ADAMTS18: variants seen among roughly 807,000 people sequenced by gnomAD.
ADAMTS18 encodes the protein A disintegrin and metalloproteinase with thrombospondin motifs 18.
A neutral mutation model predicts 165.9 loss-of-function variants in ADAMTS18; 157 were observed. The ratio of observed to expected loss-of-function variants is 0.95; its 90% CI spans 0.83 to 1.08. The LOEUF (loss-of-function observed/expected upper bound fraction) is 1.08. ADAMTS18 is among the 50% of genes least tolerant of loss of function. ADAMTS18 has a pLI of 0.00. For missense variants in ADAMTS18, 2,040 were observed against 1,534.0 expected, an observed-to-expected ratio of 1.33 and a Z score of -5.51; for synonymous variants, 782 against 578.2, an observed-to-expected ratio of 1.35 and a Z score of -5.06.
chr16:77,398,117 G>C (rs1254664577), intron 3 of ADAMTS18, among the ~76,000 whole-genome samples: 1 of 152,132 alleles, frequency 6.6e-6, no homozygotes, highest in Non-Finnish European at 1.5e-5. Flanking sequence ...AGGAGTTCAA[G>C]ACCAGCCTGG....
chr16:77,383,031 G>C (rs2057054454), intron 3 of ADAMTS18, among the ~76,000 whole-genome samples: 1 of 152,120 alleles, frequency 6.6e-6, no homozygotes, highest in Non-Finnish European at 1.5e-5. Context: ...ACATCCTATG[G>C]AATGTGGCAT....
Position 77,291,456 on chromosome 16 carries a change from C to A in ADAMTS18, c.3212G>T (p.Gly1071Val), listed in dbSNP as rs368466663. ...WSECSATCGL[G>V]VRKREMKCSE... is the part of the protein sequence containing the mutation. ...GCACTTCATCTCCCTCTTCCTCACA[C>A]CCAAACCACAGGTTGCAGAACACTA... Residue 1071 changes from glycine to valine, a missense_variant, in exon 21 of 23, where the codon GGT becomes GTT. Transcript: ENST00000282849. 3.1e-6 allele frequency: 5 copies of A among 1,614,190 alleles called. 1 individual carries two copies. In the South Asian group the frequency reaches 5.5e-5, roughly 18 times the overall value.
At chr16:77,365,168 G>C (rs2056775451) in intron 4 of ADAMTS18, among the ~76,000 whole-genome samples, 1 of 83,644 alleles carries the variant, frequency 1.2e-5, no homozygotes, top group African/African-American at 5.8e-5. Flanking sequence ...GACAGAGTGA[G>C]ATTTCATCTC....
intron 3 of ADAMTS18, among the ~76,000 whole-genome samples, chr16:77,396,615 C>A (rs2057260501): frequency 6.6e-6 from 1 of 152,076 alleles, no homozygotes; most frequent in South Asian, 2.1e-4. Context: ...AGAAAACCTG[C>A]AGAGAGGAAG....
At chr16:77,423,496 T>C (rs1260360113) in intron 3 of ADAMTS18, among the ~76,000 whole-genome samples, 1 of 152,168 alleles carries the variant, frequency 6.6e-6, no homozygotes, top group African/African-American at 2.4e-5. Context: ...ATAGAATATT[T>C]TTCTTTCAAT....
intron 3 of ADAMTS18, among the ~76,000 whole-genome samples, chr16:77,392,762 G>T (rs1339815016): frequency 6.6e-6 from 1 of 152,076 alleles, no homozygotes; most frequent in Non-Finnish European, 1.5e-5. Flanking sequence ...CATCCTAGAT[G>T]GCAGATCTCT....
chr16:77,432,037 G>A (rs925988579), intron 2 of ADAMTS18, among the ~76,000 whole-genome samples: 3 of 152,140 alleles, frequency 2.0e-5, no homozygotes, highest in African/African-American at 4.8e-5. Context: ...TTTCTTCAAG[G>A]AGGTTAATTT....
At chr16:77,329,225 C>G (rs1478066109) in intron 12 of ADAMTS18, among the ~76,000 whole-genome samples, 1 of 152,046 alleles carries the variant, frequency 6.6e-6, no homozygotes, top group Admixed American at 6.6e-5. Flanking sequence ...CCTGCCTCAG[C>G]CTCCTGAGTA....
At chr16:77,373,396 T>G (rs1265103378) in intron 3 of ADAMTS18, among the ~76,000 whole-genome samples, 2 of 149,874 alleles carry the variant, frequency 1.3e-5, no homozygotes, top group African/African-American at 2.5e-5. Flanking sequence ...GAGGCGGAGG[T>G]TGCAGTGAGC....
chr16:77,313,045 A>C (rs1390114890), intron 16 of ADAMTS18, among the ~76,000 whole-genome samples: 2 of 152,348 alleles, frequency 1.3e-5, no homozygotes, highest in East Asian at 3.9e-4. Context: ...GAACCAACCC[A>C]AATGTCCAAG....
chr16:77,408,313 T>G (rs1040497729), intron 3 of ADAMTS18, among the ~76,000 whole-genome samples: 2 of 152,148 alleles, frequency 1.3e-5, no homozygotes, highest in Non-Finnish European at 2.9e-5. Context: ...AAGCTGAATT[T>G]GCACATGCTA....
At position 77,335,741 on chromosome 16, in the gene ADAMTS18, C is replaced by T; in HGVS notation, c.1859+15G>A. 1 of 1,614,188 alleles carries T rather than the reference C, an allele frequency of 6.2e-7. No individual in the cohort carries two copies. Among genetic ancestry groups the T allele is most frequent in the Non-Finnish European group, 8.5e-7 (1 of 1,180,016 alleles). ...TTAAGGCCTTGCAAAGACTAACTTT[C>T]TGCTGGAGGCTTACTTGGGGTTATT... On this transcript the variant is annotated intron_variant, in intron 12 of 22. Transcript: ENST00000282849.
chr16:77,398,192 C>T (rs1250270192), intron 3 of ADAMTS18, among the ~76,000 whole-genome samples: 1 of 152,020 alleles, frequency 6.6e-6, no homozygotes, highest in Non-Finnish European at 1.5e-5. Context: ...TGATGCATGC[C>T]TGTAATCCCA....
chr16:77,419,159 A>AAG (rs1422422265), intron 3 of ADAMTS18, among the ~76,000 whole-genome samples: 14 of 151,396 alleles, frequency 9.2e-5, no homozygotes. Context: ...AGGGGGAAAA[A>AAG]AAATCAATTA....
At position 77,356,759 on chromosome 16, in the gene ADAMTS18, A is replaced by C. The variant is rs536512221; in HGVS notation, c.1323-682T>G. Among the ~76,000 whole-genome samples the C allele has an allele frequency of 2.0e-5, 3 of 152,308 alleles. No individual in the cohort carries two copies. In the South Asian group the frequency reaches 6.2e-4, roughly 32 times the overall value. Reference sequence around the variant, plus strand: ...AGAAGGGTCTAGTAATTATAGAAGAAAAACTTTAGGTGGTCTACTGTCTAG... The same window carrying C: ...AGAAGGGTCTAGTAATTATAGAAGACAAACTTTAGGTGGTCTACTGTCTAG... On this transcript the variant is annotated intron_variant, in intron 8 of 22. Coordinates refer to ENST00000282849, the MANE Select transcript of ADAMTS18 (RefSeq NM_199355.4).
intron 20 of ADAMTS18, among the ~76,000 whole-genome samples, chr16:77,291,981 T>C (rs1408032951): frequency 6.6e-6 from 1 of 152,162 alleles, no homozygotes; most frequent in Non-Finnish European, 1.5e-5. Flanking sequence ...GGAGGTAACA[T>C]GATGAGGGTC....
At chr16:77,340,976 CTT>C (rs923307545) in intron 11 of ADAMTS18, among the ~76,000 whole-genome samples, 54 of 152,322 alleles carry the variant, frequency 3.5e-4, no homozygotes, top group African/African-American at 1.3e-3. Context: ...CTCATTATCT[CTT>C]GTCATTCATA....
chr16:77,359,780 G>C (rs1374453405), intron 7 of ADAMTS18, among the ~76,000 whole-genome samples: 2 of 152,144 alleles, frequency 1.3e-5, no homozygotes, highest in African/African-American at 4.8e-5. Context: ...GCAACGGATA[G>C]AATGATAGCA....
At position 77,293,141 on chromosome 16, in the gene ADAMTS18, C is replaced by T; in HGVS notation, c.3124G>A (p.Gly1042Ser). 1 of 1,614,000 alleles carries T rather than the reference C, an allele frequency of 6.2e-7. No individual in the cohort carries two copies. Among genetic ancestry groups the T allele is most frequent in the Non-Finnish European group, 8.5e-7 (1 of 1,179,986 alleles). The part of the protein sequence containing the change: ...TSLPRPELQE[G>S]CVLGRCPKNS... ...TTGGGGCATCGTCCAAGCACACAGC[C>T]CTCCTGCAGCTCAGGTCTGGGGAGA... Residue 1042 changes from glycine to serine, a missense_variant, in exon 20 of 23, where the codon GGC (glycine) becomes AGC (serine). Physicochemically the swap from Gly to Ser is moderately conservative, Grantham distance 56. Transcript: ENST00000282849.
Sources: gnomAD v4.1 joint callset for allele counts (sites outside exome capture counted in the v4.1 genomes callset) on GRCh38, gnomAD v4.1.1 for gene constraint, MANE v1.5 for transcripts, NCBI Gene and HGNC (gene_info 2026-07-23, HGNC 2026-07-21) for gene names.